OSBPL7: variants seen among roughly 807,000 people sequenced by gnomAD.
OSBPL7 encodes oxysterol binding protein like 7.
Under a neutral mutation model 115.8 loss-of-function variants are expected in OSBPL7, and 66 were observed. The ratio of observed to expected loss-of-function variants is 0.57; its 90% CI spans 0.47 to 0.70. The LOEUF is 0.70. Ranked by LOEUF, OSBPL7 falls within the 30% of genes least tolerant of loss-of-function variation. The pLI is 0.00. For missense variants in OSBPL7, 902 were observed against 1,125.5 expected, an observed-to-expected ratio of 0.80 and a Z score of 2.84; for synonymous variants, 441 against 439.2, an observed-to-expected ratio of 1.00 and a Z score of -0.05.
chr17:47,819,393 A>T (rs1567945543), intron 4 of OSBPL7: 2 of 558,380 alleles, frequency 3.6e-6, no homozygotes, highest in Non-Finnish European at 6.4e-6. Flanking sequence ...GATCCTGGGT[A>T]CCCAGGCCTT....
Position 47,819,024 on chromosome 17 carries a change from T to C in OSBPL7, c.331A>G (p.Ile111Val), listed in dbSNP as rs1176584023. The change falls in exon 5 of 23, where the codon ATT becomes GTT. Residue 111 changes from isoleucine (I) to valine (V), a missense_variant. This residue lies in a region of OSBPL7 where 667 missense variants were observed against 788.7 expected (regional missense o/e 0.85). Coordinates refer to ENST00000007414, the MANE Select transcript of OSBPL7 (RefSeq NM_145798.3). Reference protein sequence around the residue: ...VMSINKKAQRIDLDTEDNIYH... With the variant: ...VMSINKKAQRVDLDTEDNIYH... ...ATGTTGTCTTCAGTGTCAAGGTCAA[T>C]GCGCTGGGCCTTTTTGTTGATGGAC... The C allele has an allele frequency of 1.9e-6, 3 of 1,614,016 alleles. No individual in the cohort carries two copies. The highest frequency in any genetic ancestry group is 2.5e-6 in the Non-Finnish European group (3 of 1,180,012).
In OSBPL7 at chr17:47,818,512, G is replaced by A; in HGVS notation, c.474C>T (p.His158=). The stretch of plus-strand genomic sequence containing the variant: ...ACCCCAGGGTCCACCTTACCTTCCG[G>A]TGAGCAGTACTGGGCAGTGAGCCAC... ...MPRGSLPSTA[H]RKVPGAQLPT... The change falls in exon 6 of 23, where the codon CAC becomes CAT. Residue 158 remains histidine (H), a synonymous_variant. Transcript: ENST00000007414. The A allele has an allele frequency of 6.3e-7, 1 of 1,599,498 alleles. No homozygotes were observed. Among genetic ancestry groups the A allele is most frequent in the Non-Finnish European group, 8.5e-7 (1 of 1,171,810 alleles).
At chr17:47,820,138 C>A (rs780825801) in intron 2 of OSBPL7, 42 bp from the exon 3 acceptor site, 1 of 1,613,494 alleles carries the variant, frequency 6.2e-7, no homozygotes, top group Non-Finnish European at 8.5e-7. Flanking sequence ...GGTGAGACGT[C>A]CGCCTTGGCC....
rs1346034314 is a variant in OSBPL7 at position 47,820,501 on chromosome 17, C to A, written c.-87-136G>T. The A allele has an allele frequency of 9.0e-6, 5 of 555,116 alleles. No individual in the cohort carries two copies. The East Asian group carries it at 1.6e-4, about 17-fold the overall frequency. 34.4% of individuals were successfully genotyped at this position (555,116 alleles called of 1,614,324 possible). On this transcript the variant is annotated intron_variant, in intron 1 of 22. Transcript: ENST00000007414. ...CCTGCCAAGCCTCTCCCAAGTCTGC[C>A]CCTCTGTCCCGACCCCACCCATTTT...
chr17:47,809,064 C>T lies in OSBPL7; in HGVS notation c.2170+12G>A. The T allele has an allele frequency of 6.2e-7, 1 of 1,613,904 alleles. No homozygotes were observed. Among genetic ancestry groups the T allele is most frequent in the Non-Finnish European group, 8.5e-7 (1 of 1,180,026 alleles). On this transcript the variant is annotated intron_variant, in intron 20 of 22. Transcript: ENST00000007414. ...CCAGCCTCACCCAGCCCTCTGTGAC[C>T]CCTCCACTTACTGGGTTTCCAGATG...
intron 7 of OSBPL7, 37 bp from the exon 8 acceptor site, chr17:47,817,396 A>ATT (rs377138184): frequency 2.2e-5 from 28 of 1,282,534 alleles, no homozygotes; most frequent in African/African-American, 6.1e-5. Flanking sequence ...AACACCATTC[A>ATT]TTTTTTTTTT....
chr17:47,811,133 G>A lies in OSBPL7; in HGVS notation c.1738-298C>T, dbSNP rs116527782. ...AAGTTCCCCGCAACAGTGATGGGTG[G>A]GGCCTCCACCCCATGCCCTGCCTGA... On this transcript the variant is annotated intron_variant, in intron 16 of 22. Coordinates refer to ENST00000007414, the MANE Select transcript of OSBPL7 (RefSeq NM_145798.3). 8.4e-3 allele frequency among the ~76,000 whole-genome samples: 1,275 copies of A among 152,014 alleles called. 19 individuals carry two copies. Among genetic ancestry groups the A allele is most frequent in the African/African-American group, 0.029 (1,190 of 41,398 alleles).
rs1052100174 is a variant in OSBPL7, at chr17:47,808,360, G to C, written c.2460C>G (p.Thr820=). 2.5e-6 allele frequency: 4 copies of C among 1,613,996 alleles called. No individual in the cohort carries two copies. Among genetic ancestry groups the C allele is most frequent in the Admixed American group, 3.3e-5 (2 of 60,014 alleles). ...CCCGCAGCCTCCAGTAGGTATTGTT[G>C]GTCACCCACCACTCTTTCCCGCTGC... The part of the protein sequence containing the change: ...TDSSGKEWWV[T]NNTYWRLRAE... The change falls in exon 23 of 23, where the codon ACC becomes ACG. Residue 820 remains threonine (T), a synonymous_variant. Coordinates refer to ENST00000007414, the MANE Select transcript of OSBPL7 (RefSeq NM_145798.3). This position sits in a 1 kb window ranked among gnomAD's most constrained non-coding sequence, Gnocchi z 6.1.
Position 47,816,663 on chromosome 17 carries a change from C to G in OSBPL7, c.828G>C (p.Leu276=). Residue 276 remains leucine (L), a synonymous_variant, in exon 10 of 23, where the codon CTG becomes CTC. Transcript: ENST00000007414. The surrounding 1 kb of genome is among the most constrained non-coding windows in gnomAD (Gnocchi z 5.8). ...AGTCCCGAGACTCCAGGTAGCGAGA[C>G]AGGTTGGGAACAGAGCCATGGAGAC... ...VGRLHGSVPN[L]SRYLESRDSS... is the part of the protein sequence containing the mutation. 1 of 1,614,074 alleles carries G rather than the reference C, an allele frequency of 6.2e-7. No homozygotes were observed. Among genetic ancestry groups the G allele is most frequent in the Non-Finnish European group, 8.5e-7 (1 of 1,180,016 alleles).
At chr17:47,818,122 G>C (rs2033281818) in intron 7 of OSBPL7, 147 bp downstream of exon 7, 2 of 677,246 alleles carry the variant, frequency 3.0e-6, no homozygotes, top group African/African-American at 3.6e-5. Flanking sequence ...CCCTAGACAG[G>C]GCCCAGGTAG....
At position 47,818,541 on chromosome 17, in the gene OSBPL7, G is replaced by C; in HGVS notation, c.445C>G (p.Pro149Ala). The change falls in exon 6 of 23, where the codon CCC becomes GCC. Residue 149 changes from proline to alanine, a missense_variant. This residue lies in a region of OSBPL7 where 667 missense variants were observed against 788.7 expected (regional missense o/e 0.85). Transcript: ENST00000007414. ...GCAGTACTGGGCAGTGAGCCACGGG[G>C]CATGTCCAGGCGGTGGGCTAGGCGG... ...AHRLAHRLDM[P>A]RGSLPSTAHR... 6.2e-7 allele frequency: 1 copy of C among 1,610,410 alleles called. No homozygotes were observed. Among genetic ancestry groups the C allele is most frequent in the Non-Finnish European group, 8.5e-7 (1 of 1,178,274 alleles).
rs1598009347 is a variant in OSBPL7, at chr17:47,808,119, G to C, written c.*172C>G. The stretch of plus-strand genomic sequence containing the variant: ...CTTCTCACCCCAAACGGTGGGGTTG[G>C]GGGTGGGCTGAGATGCAGACCCTCT... On this transcript the variant is annotated 3_prime_UTR_variant, in exon 23 of 23. Coordinates refer to ENST00000007414, the MANE Select transcript of OSBPL7 (RefSeq NM_145798.3). The surrounding 1 kb of genome is among the most constrained non-coding windows in gnomAD (Gnocchi z 6.1). 3 of 601,330 alleles carry C rather than the reference G, an allele frequency of 5.0e-6. No individual in the cohort carries two copies. Among genetic ancestry groups the C allele is most frequent in the East Asian group, 2.8e-5 (1 of 36,208 alleles). The allele number at this position is 601,330 out of a possible 1,614,324, so 37.2% of individuals were successfully genotyped here. A position where few individuals can be genotyped will look rare whatever the true frequency, so the allele number is the denominator to read the frequency against.
At position 47,808,586 on chromosome 17, in the gene OSBPL7, C is replaced by T. The variant is rs201378531; in HGVS notation, c.2372G>A (p.Arg791His). The T allele has an allele frequency of 3.7e-6, 6 of 1,614,198 alleles. No individual in the cohort carries two copies. Among genetic ancestry groups the T allele is most frequent in the East Asian group, 2.2e-5 (1 of 44,882 alleles). Residue 791 changes from arginine (R) to histidine (H), a missense_variant, in exon 22 of 23, where the codon CGC (arginine) becomes CAC (histidine). Physicochemically the swap from Arg to His is conservative, Grantham distance 29. Around this residue, in one of 3 missense-constraint regions of OSBPL7, gnomAD observed 230 missense variants for 312.7 expected, o/e 0.74. Transcript: ENST00000007414. The surrounding 1 kb of genome is among the most constrained non-coding windows in gnomAD (Gnocchi z 6.1). ...RRIEQLQRDRRKVMEENNIVH... is the reference protein window; with the variant it reads ...RRIEQLQRDRHKVMEENNIVH... Reference sequence around the variant, plus strand: ...GATGTTGTTTTCCTCCATGACTTTGCGCCTGTCTCGCTGCAGCTGCTCGAT... The same window carrying T: ...GATGTTGTTTTCCTCCATGACTTTGTGCCTGTCTCGCTGCAGCTGCTCGAT...
intron 13 of OSBPL7, chr17:47,814,837 G>T: frequency 1.7e-6 from 1 of 584,114 alleles, no homozygotes; most frequent in South Asian, 2.1e-5. Context: ...GTGGCTGGCG[G>T]GAAAAAGCTC....
Position 47,808,021 on chromosome 17 carries a change from C to T in OSBPL7, c.*270G>A. ...CAAGTACCCCAAAGGGGACAGGAAT[C>T]GGAATGGTGAAGCGGGAAGGGTCTT... On this transcript the variant is annotated 3_prime_UTR_variant, in exon 23 of 23. Coordinates refer to ENST00000007414, the MANE Select transcript of OSBPL7 (RefSeq NM_145798.3). The surrounding 1 kb of genome is among the most constrained non-coding windows in gnomAD (Gnocchi z 6.1). 6.0e-6 allele frequency: 3 copies of T among 499,472 alleles called. No homozygotes were observed. The highest frequency in any genetic ancestry group is 2.5e-5 in the South Asian group (1 of 40,220). 30.9% of individuals were successfully genotyped at this position (499,472 alleles called of 1,614,324 possible).
At position 47,810,597 on chromosome 17, in the gene OSBPL7, G is replaced by C; in HGVS notation, c.1877C>G (p.Pro626Arg). Residue 626 changes from proline to arginine, a missense_variant, in exon 18 of 23, where the codon CCC (proline) becomes CGC (arginine). Physicochemically the swap from Pro to Arg is moderately radical, Grantham distance 103. Transcript: ENST00000007414. ...GCTGAGAGTCTAAGAATCCCACCTG[G>C]GCAGGCTGACGTTGACTGTTCCCAC... ...VPVGTVNVSL[P>R]RFGDHFEWNK... 1 of 1,613,810 alleles carries C rather than the reference G, an allele frequency of 6.2e-7. No homozygotes were observed. Among genetic ancestry groups the C allele is most frequent in the Non-Finnish European group, 8.5e-7 (1 of 1,179,732 alleles).
Position 47,819,055 on chromosome 17 carries a change from C to G in OSBPL7, c.300G>C (p.Ser100=). Residue 100 remains serine, a synonymous_variant, in exon 5 of 23, where the codon TCG becomes TCC. Coordinates refer to ENST00000007414, the MANE Select transcript of OSBPL7 (RefSeq NM_145798.3). ...GGGCCTTTTTGTTGATGGACATGAC[C>G]GACAGCCGGACATCGATGGAGCCAT... ...KLHGSIDVRL[S]VMSINKKAQR... 6.2e-7 allele frequency: 1 copy of G among 1,614,002 alleles called. No individual in the cohort carries two copies. Among genetic ancestry groups the G allele is most frequent in the African/African-American group, 1.3e-5 (1 of 75,002 alleles).
chr17:47,816,375 C>T lies in OSBPL7; in HGVS notation c.1023+13G>A. 3 of 1,495,224 alleles carry T rather than the reference C, an allele frequency of 2.0e-6. No homozygotes were observed. The highest frequency in any genetic ancestry group is 2.3e-5 in the Admixed American group (1 of 44,084). 92.6% of individuals were successfully genotyped at this position (1,495,224 alleles called of 1,614,324 possible). On this transcript the variant is annotated intron_variant, in intron 11 of 22. Transcript: ENST00000007414. The surrounding 1 kb of genome is among the most constrained non-coding windows in gnomAD (Gnocchi z 5.8). ...CTCTCCCCGCACCAGTCACCCTGTC[C>T]CCCAGGCCTCACCCCCATTCTTGAC...
rs756530606 is a variant in OSBPL7 at position 47,810,670 on chromosome 17, T to G, written c.1804A>C (p.Met602Leu). 2 of 1,613,876 alleles carry G rather than the reference T, an allele frequency of 1.2e-6. No individual in the cohort carries two copies. Among genetic ancestry groups the G allele is most frequent in the South Asian group, 2.2e-5 (2 of 91,082 alleles). ...CCCCAGAACTTGTTCTTCCACTTCA[T>G]ATCTGGAATTGGATTAGGGGAGGGA... ...ESENFAFWQD[M>L]KWKNKFWGKS... The change falls in exon 18 of 23, where the codon ATG (methionine) becomes CTG (leucine). Residue 602 changes from methionine to leucine, a missense_variant and splice_region_variant. Coordinates refer to ENST00000007414, the MANE Select transcript of OSBPL7 (RefSeq NM_145798.3).
Sources: allele counts gnomAD v4.1 joint callset (sites outside exome capture counted in the v4.1 genomes callset), GRCh38; gene constraint gnomAD v4.1.1; regional missense constraint gnomAD v4.1.1; non-coding constraint Gnocchi (gnomAD v3.1); transcripts MANE v1.5; gene names NCBI Gene and HGNC (gene_info 2026-07-23, HGNC 2026-07-21).